The following EXOC2 variants were observed in gnomAD, a reference collection of about 807,000 sequenced individuals.
The protein encoded by EXOC2 is SEC5-like 1.
EXOC2 carries 70 observed loss-of-function variants against 131.8 expected under a neutral mutation model. The ratio of observed to expected loss-of-function variants is 0.53; its 90% CI spans 0.44 to 0.65. The LOEUF is 0.65. Ranked by LOEUF, EXOC2 falls within the 30% of genes least tolerant of loss-of-function variation. The pLI is 0.00. For missense variants in EXOC2, 923 were observed against 1,108.6 expected (o/e 0.83, Z 2.38); for synonymous variants, 411 against 398.4 (o/e 1.03, Z -0.38).
At chr6:617,967 C>T in intron 5 of EXOC2, 132 bp from the exon 6 acceptor site, 1 of 1,054,312 alleles carries the variant, frequency 9.5e-7, no homozygotes. Context: ...TCATACGAAG[C>T]CAGATGAAAT....
At chr6:524,205 C>T (rs1581364960) in intron 23 of EXOC2, 1 of 152,096 alleles carries the variant, frequency 6.6e-6, no homozygotes, top group African/African-American at 2.4e-5. Context: ...CCACCAGACT[C>T]GGCAATGACT....
intron 1 of EXOC2, chr6:656,860 C>T: frequency 6.2e-7 from 1 of 1,608,952 alleles, no homozygotes; most frequent in South Asian, 1.1e-5. Flanking sequence ...AGCACGCAGA[C>T]CTTCGCTAGC....
intron 22 of EXOC2, among the ~76,000 whole-genome samples, chr6:543,694 TA>T (rs1260739758): frequency 6.6e-6 from 1 of 152,062 alleles, no homozygotes; most frequent in Non-Finnish European, 1.5e-5. Flanking sequence ...ATTTGTCAAT[TA>T]AAAATGAATA....
chr6:496,320 G>A (rs1425614253), intron 25 of EXOC2, among the ~76,000 whole-genome samples: 2 of 152,200 alleles, frequency 1.3e-5, no homozygotes, highest in African/African-American at 4.8e-5. Context: ...GGAGACTCTG[G>A]ATTCTGTAAT....
At chr6:543,363 G>A (rs552872718) in intron 22 of EXOC2, among the ~76,000 whole-genome samples, 5 of 152,202 alleles carry the variant, frequency 3.3e-5, no homozygotes, top group South Asian at 2.1e-4. Flanking sequence ...AACCAGGCAC[G>A]GAAAGACAAA....
intron 10 of EXOC2, among the ~76,000 whole-genome samples, chr6:593,045 G>A (rs1759629156): frequency 6.6e-6 from 1 of 151,554 alleles, no homozygotes; most frequent in Admixed American, 6.6e-5. Context: ...AAACAAACAA[G>A]CAAACAAAAA....
chr6:536,299 A>C (rs956140403), intron 22 of EXOC2, among the ~76,000 whole-genome samples: 19 of 152,270 alleles, frequency 1.2e-4, no homozygotes, highest in Middle Eastern at 3.4e-3. Flanking sequence ...TGGAGGCAGC[A>C]GAGTCAATAA....
intron 23 of EXOC2, among the ~76,000 whole-genome samples, chr6:532,064 G>A (rs1766117179): frequency 6.6e-6 from 1 of 152,108 alleles, no homozygotes; most frequent in South Asian, 2.1e-4. Context: ...CGCCTTTACA[G>A]CATCACTAAT....
At chr6:631,287 C>T (rs1405599521) in intron 3 of EXOC2, among the ~76,000 whole-genome samples, 2 of 152,184 alleles carry the variant, frequency 1.3e-5, no homozygotes, top group Admixed American at 1.3e-4. Context: ...CACCTGTAAT[C>T]CCAGCACTTT....
At chr6:527,345 TC>T in intron 23 of EXOC2, among the ~76,000 whole-genome samples, 1 of 152,378 alleles carries the variant, frequency 6.6e-6, no homozygotes, top group Middle Eastern at 3.4e-3. Context: ...GTGCAATGTC[TC>T]TTGTAAAATT....
At position 592,557 on chromosome 6, in the gene EXOC2, G is replaced by C; in HGVS notation, c.1104C>G (p.Asp368Glu). ...GGGCTCCAATGCATTGCCAAGCAGG[G>C]TCACCAGACGCATGAAGGTCAGACA... ...RYLSDLHASG[D>E]PAWQCIGAQH... The change falls in exon 11 of 28, where the codon GAC becomes GAG. Residue 368 changes from aspartate to glutamate, a missense_variant. Coordinates refer to ENST00000230449, the MANE Select transcript of EXOC2 (RefSeq NM_018303.6). 1.2e-6 allele frequency: 2 copies of C among 1,614,032 alleles called. No individual in the cohort carries two copies. The highest frequency in any genetic ancestry group is 1.7e-6 in the Non-Finnish European group (2 of 1,179,964).
chr6:691,574 A>G (rs1764926435), intron 1 of EXOC2, among the ~76,000 whole-genome samples: 1 of 152,252 alleles, frequency 6.6e-6, no homozygotes, highest in Non-Finnish European at 1.5e-5. Flanking sequence ...TATAATACGT[A>G]TAACATACAA....
intron 11 of EXOC2, among the ~76,000 whole-genome samples, chr6:577,726 C>T (rs919281287): frequency 1.3e-5 from 2 of 152,200 alleles, no homozygotes; most frequent in Non-Finnish European, 2.9e-5. Context: ...ATTTACAGTA[C>T]TGTGCATAGG....
chr6:615,176 G>GGGGTGTGTGT (rs1554137926), intron 6 of EXOC2, among the ~76,000 whole-genome samples: 2 of 103,784 alleles, frequency 1.9e-5, no homozygotes, highest in East Asian at 7.4e-4. Context: ...AGTATATGTG[G>GGGGTGTGTGT]GTGTGGGTGT....
rs116562260 is a variant in EXOC2 at position 505,120 on chromosome 6, T to C, written c.2381-5420A>G. Among the ~76,000 whole-genome samples the C allele has an allele frequency of 1.8e-3, 274 of 151,610 alleles. 3 individuals are homozygous for C. The highest frequency in any genetic ancestry group is 6.4e-3 in the African/African-American group (262 of 41,258). ...AATGGCTAACAGTTGAGTTTGCATA[T>C]AGGAACACAACAACGGCAGAAAAAA... On this transcript the variant is annotated intron_variant, in intron 23 of 27. Coordinates refer to ENST00000230449, the MANE Select transcript of EXOC2 (RefSeq NM_018303.6).
intron 22 of EXOC2, among the ~76,000 whole-genome samples, chr6:542,892 A>G (rs192954071): frequency 6.6e-6 from 1 of 152,336 alleles, no homozygotes; most frequent in Admixed American, 6.5e-5. Flanking sequence ...AATCCTACAC[A>G]AACGCCAGCC....
rs1187446966 is a variant in EXOC2, at chr6:586,106, A to G, written c.1192+6363T>C. Among the ~76,000 whole-genome samples, 3 of 152,206 alleles carry G rather than the reference A, an allele frequency of 2.0e-5. No homozygotes were observed. The East Asian group carries it at 5.8e-4, about 29-fold the overall frequency. On this transcript the variant is annotated intron_variant, in intron 11 of 27. Coordinates refer to ENST00000230449, the MANE Select transcript of EXOC2 (RefSeq NM_018303.6). ...TTGTAAGCAATTTCTTACGGTAGTA[A>G]TTGTGTTTTCAAATGCTCTAGCCTT...
chr6:594,039 C>T (rs909962840), intron 10 of EXOC2, among the ~76,000 whole-genome samples: 117 of 152,320 alleles, frequency 7.7e-4, no homozygotes, highest in Non-Finnish European at 9.9e-4. Context: ...GCTGCCATCT[C>T]CTCCCCCTTG....
At position 649,027 on chromosome 6, in the gene EXOC2, T is replaced by C. The variant is rs1008439050; in HGVS notation, c.-43-11166A>G. 2.0e-5 allele frequency among the ~76,000 whole-genome samples: 3 copies of C among 152,250 alleles called. No homozygotes were observed. In the South Asian group the frequency reaches 6.2e-4, roughly 32 times the overall value. ...TGCACTGGGCCCTAACTCTTTTCTTTGTAAGAGACGGAGCCTCGTTGTGTT... is the reference window on the plus strand; with the variant it reads ...TGCACTGGGCCCTAACTCTTTTCTTCGTAAGAGACGGAGCCTCGTTGTGTT... On this transcript the variant is annotated intron_variant, in intron 1 of 27. Transcript: ENST00000230449.
Sources: allele counts gnomAD v4.1 joint callset (sites outside exome capture counted in the v4.1 genomes callset), GRCh38; gene constraint gnomAD v4.1.1; transcripts MANE v1.5; gene names NCBI Gene and HGNC (gene_info 2026-07-23, HGNC 2026-07-21).